Variants in KASH5 observed in about 807,000 individuals in gnomAD.
KASH5 encodes KASH domain containing 5.
In KASH5, 72 loss-of-function variants were observed where a neutral mutation model predicts 84.2. That is an observed-to-expected ratio of 0.85 (90% confidence interval 0.71 to 1.04). The LOEUF is 1.04. Among genes scored for constraint, KASH5 ranks in the 50% least tolerant of loss-of-function variants. The pLI is 0.00. For synonymous variants in KASH5, 260 were observed against 279.1 expected, an observed-to-expected ratio of 0.93 and a Z score of 0.68; for missense variants, 650 against 701.0, an observed-to-expected ratio of 0.93 and a Z score of 0.82.
rs139882972 is a variant in KASH5 at position 49,417,408 on chromosome 19, CCTG to C, written c.1605_1607del (p.Leu536del). Reference sequence around the variant, plus strand: ...CACTGATCCCAGCTCCTGTCCTGGGCCTGCTGCTGCTGCTGCTGCTCTCTGTCC... The same window carrying C: ...CACTGATCCCAGCTCCTGTCCTGGGCCTGCTGCTGCTGCTGCTCTCTGTCC... On this transcript the variant is annotated inframe_deletion, in exon 20 of 20. Transcript: ENST00000447857. This position sits in a 1 kb window ranked among gnomAD's most constrained non-coding sequence, Gnocchi z 5.2. 842 of 1,539,124 alleles carry C rather than the reference CCTG, an allele frequency of 5.5e-4. No individual in the cohort carries two copies. The highest frequency in any genetic ancestry group is 6.8e-4 in the South Asian group (56 of 82,212).
At position 49,399,063 on chromosome 19, in the gene KASH5, A is replaced by T; in HGVS notation, c.668A>T (p.Glu223Val). The T allele has an allele frequency of 6.4e-7, 1 of 1,551,598 alleles. No individual in the cohort carries two copies. Among genetic ancestry groups the T allele is most frequent in the Non-Finnish European group, 8.7e-7 (1 of 1,146,956 alleles). The change falls in exon 8 of 20, where the codon GAG (glutamate) becomes GTG (valine). Residue 223 changes from glutamate to valine, a missense_variant. Transcript: ENST00000447857. This position sits in a 1 kb window ranked among gnomAD's most constrained non-coding sequence, Gnocchi z 4.4. ...CTGCAGTTTGCCAAGGCCATGGATG[A>T]GGAGCTGGAGGACCTGAAGACTCTG... ...QALQFAKAMDEELEDLKTLAR... is the reference protein window; with the variant it reads ...QALQFAKAMDVELEDLKTLAR...
rs557548463 is a variant in KASH5, at chr19:49,410,004, G to A, written c.1269+129G>A. ...TTTGATGAGAAAATGTTAATTGAGG[G>A]CCCAGTGTGTGCTGGACACCCAGCC... On this transcript the variant is annotated intron_variant, in intron 15 of 19. Coordinates refer to ENST00000447857, the MANE Select transcript of KASH5 (RefSeq NM_144688.5). 2.3e-4 allele frequency: 285 copies of A among 1,230,168 alleles called. No individual in the cohort carries two copies. The African/African-American group carries it at 3.9e-3, about 17-fold the overall frequency. The allele number at this position is 1,230,168 out of a possible 1,614,324, so 76.2% of individuals were successfully genotyped here. A position where few individuals can be genotyped will look rare whatever the true frequency, so the allele number is the denominator to read the frequency against.
intron 17 of KASH5, among the ~76,000 whole-genome samples, chr19:49,415,813 TG>T (rs1974887366): frequency 6.6e-6 from 1 of 152,228 alleles, no homozygotes; most frequent in Non-Finnish European, 1.5e-5. Context: ...CCTGGGTCCC[TG>T]CCTGGCACAG....
intron 17 of KASH5, 182 bp downstream of exon 17, chr19:49,415,178 G>T (rs934853362): frequency 1.8e-5 from 12 of 677,184 alleles, no homozygotes; most frequent in Non-Finnish European, 2.5e-5. Context: ...TGGTGAGGTG[G>T]GGGGAGGCCT....
rs964382464 is a variant in KASH5 at position 49,394,127 on chromosome 19, C to A, written c.44-349C>A. Among the ~76,000 whole-genome samples the A allele has an allele frequency of 3.9e-5, 6 of 152,284 alleles. No homozygotes were observed. The East Asian group carries it at 1.2e-3, about 29-fold the overall frequency. On this transcript the variant is annotated intron_variant, in intron 2 of 19. Coordinates refer to ENST00000447857, the MANE Select transcript of KASH5 (RefSeq NM_144688.5). ...CTCTCAGCTCCTCCCAGAATCCTCT[C>A]TTCTTTGCCCTCCCCGACCCTGTCC...
At chr19:49,401,989 C>T (rs917182601) in intron 9 of KASH5, among the ~76,000 whole-genome samples, 1 of 152,166 alleles carries the variant, frequency 6.6e-6, no homozygotes, top group Non-Finnish European at 1.5e-5. Flanking sequence ...CGCCTGTAAT[C>T]CCAGCACTTT....
At position 49,413,282 on chromosome 19, in the gene KASH5, G is replaced by C. The variant is rs557535529; in HGVS notation, c.1328+256G>C. Among the ~76,000 whole-genome samples, 117 of 151,748 alleles carry C rather than the reference G, an allele frequency of 7.7e-4. 1 individual carries two copies. The highest frequency in any genetic ancestry group is 7.7e-3 in the South Asian group (37 of 4,812). On this transcript the variant is annotated intron_variant, in intron 16 of 19. Transcript: ENST00000447857. ...AGGCTGCCATGCCTGAATGGGGTGA[G>C]GGGGGGCCTCTGGAATCAGCGTGGA...
intron 7 of KASH5, among the ~76,000 whole-genome samples, chr19:49,398,402 T>C (rs1974256346): frequency 6.6e-6 from 1 of 150,772 alleles, no homozygotes; most frequent in Non-Finnish European, 1.5e-5. Flanking sequence ...AGGTTCTCAC[T>C]CTGTCACCCA....
intron 9 of KASH5, among the ~76,000 whole-genome samples, chr19:49,402,876 A>C (rs1974405707): frequency 6.6e-6 from 1 of 151,532 alleles, no homozygotes; most frequent in Non-Finnish European, 1.5e-5. Context: ...ACTTCAATCT[A>C]CACGACATTC....
intron 9 of KASH5, among the ~76,000 whole-genome samples, chr19:49,406,102 T>G (rs1250507321): frequency 7.3e-6 from 1 of 137,364 alleles, no homozygotes; most frequent in African/African-American, 2.8e-5. Flanking sequence ...CATGCCAGCC[T>G]GGGCAACAAA....
intron 2 of KASH5, chr19:49,391,692 CAGA>C (rs1234796020): frequency 1.3e-5 from 2 of 152,224 alleles, no homozygotes; most frequent in East Asian, 3.8e-4. Context: ...TCAGGTGCTC[CAGA>C]AGGAGAGACT....
Position 49,390,921 on chromosome 19 carries a change from C to G in KASH5, c.38C>G (p.Ala13Gly), listed in dbSNP as rs201032080. ...GAGGGCCCGGTGGGTGGCCCCACTG[C>G]GGAAAGTAAGTGGCTGGAACCCTAT... ...LPEGPVGGPT[A>G]EMYLRERPEE... The change falls in exon 2 of 20, where the codon GCG becomes GGG. Residue 13 changes from alanine to glycine, a missense_variant. By Grantham distance (60) the Ala-to-Gly change is moderately conservative. Coordinates refer to ENST00000447857, the MANE Select transcript of KASH5 (RefSeq NM_144688.5). 8.7e-6 allele frequency: 14 copies of G among 1,605,622 alleles called. 1 individual carries two copies. The highest frequency in any genetic ancestry group is 2.2e-5 in the South Asian group (2 of 90,146).
Position 49,407,667 on chromosome 19 carries a change from C to T in KASH5, c.989C>T (p.Thr330Met), listed in dbSNP as rs967303029. ...ACCCTGGAAGAATACAGAGTGACGACGCAGGTAACTCAGCGGCCCTCGCCA... is the reference window on the plus strand; with the variant it reads ...ACCCTGGAAGAATACAGAGTGACGATGCAGGTAACTCAGCGGCCCTCGCCA... Reference protein sequence around the residue: ...AQTLEEYRVTTQELRLEISRL... With the variant: ...AQTLEEYRVTMQELRLEISRL... Residue 330 changes from threonine to methionine, a missense_variant, in exon 12 of 20, where the codon ACG becomes ATG. Thr to Met is a moderately conservative substitution (Grantham distance 81). Transcript: ENST00000447857. 1.3e-5 allele frequency: 21 copies of T among 1,603,614 alleles called. No homozygotes were observed. The highest frequency in any genetic ancestry group is 4.5e-5 in the South Asian group (4 of 89,150).
At chr19:49,409,372 C>T (rs1358620094) in intron 14 of KASH5, 89 bp downstream of exon 14, 3 of 1,351,340 alleles carry the variant, frequency 2.2e-6, no homozygotes, top group Non-Finnish European at 3.1e-6. Flanking sequence ...CCAGCCTAGC[C>T]CTAACCCACA....
chr19:49,415,050 G>A (rs1035431589), intron 17 of KASH5, 54 bp downstream of exon 17: 1 of 1,541,212 alleles, frequency 6.5e-7, no homozygotes, highest in Non-Finnish European at 8.9e-7. Flanking sequence ...CACCCACAGA[G>A]GCTGAGTCGT....
In KASH5 at chr19:49,394,456, G is replaced by A; in HGVS notation, c.44-20G>A. 1.9e-6 allele frequency: 3 copies of A among 1,596,098 alleles called. No individual in the cohort carries two copies. Among genetic ancestry groups the A allele is most frequent in the Non-Finnish European group, 2.6e-6 (3 of 1,163,910 alleles). On this transcript the variant is annotated intron_variant, in intron 2 of 19. Transcript: ENST00000447857. ...TCCTTATTCTTCCCACTGGTGAGCT[G>A]AGCCCTCTTGTCTCCCCAGTGTACC...
At chr19:49,392,715 C>G (rs1299106668) in intron 2 of KASH5, among the ~76,000 whole-genome samples, 4 of 152,150 alleles carry the variant, frequency 2.6e-5, no homozygotes, top group African/African-American at 4.8e-5. Flanking sequence ...AGTTCGAGAC[C>G]AGCCTTGCCA....
chr19:49,394,143 G>A (rs11083973), intron 2 of KASH5, among the ~76,000 whole-genome samples: 9 of 151,872 alleles, frequency 5.9e-5, no homozygotes, highest in South Asian at 2.1e-4. Context: ...TGCCCTCCCC[G>A]ACCCTGTCCC....
At chr19:49,407,868 TC>T (rs1974582424) in intron 12 of KASH5, among the ~76,000 whole-genome samples, 197 bp downstream of exon 12, 1 of 152,192 alleles carries the variant, frequency 6.6e-6, no homozygotes, top group African/African-American at 2.4e-5. Flanking sequence ...CTCTGTTCCT[TC>T]CATTCACTTT....
Sources: allele counts gnomAD v4.1 joint callset (sites outside exome capture counted in the v4.1 genomes callset), GRCh38; gene constraint gnomAD v4.1.1; non-coding constraint Gnocchi (gnomAD v3.1); transcripts MANE v1.5; gene names NCBI Gene and HGNC (gene_info 2026-07-23, HGNC 2026-07-21).